The following PDZD8 variants were observed in gnomAD, a reference collection of about 807,000 sequenced individuals.
The protein encoded by PDZD8 is PDZ domain containing 8, also known as PDZ domain-containing protein 8.
A neutral mutation model predicts 85.8 loss-of-function variants in PDZD8; 14 were observed. That is an observed-to-expected ratio of 0.16 (90% confidence interval 0.11 to 0.26). The LOEUF (loss-of-function observed/expected upper bound fraction) is 0.26. Among genes scored for constraint, PDZD8 ranks in the 10% least tolerant of loss-of-function variants. PDZD8 has a pLI of 1.00. For missense variants in PDZD8, 1,197 were observed against 1,424.3 expected (o/e 0.84, Z 2.57); for synonymous variants, 592 against 568.6 (o/e 1.04, Z -0.59).
chr10:117,319,035 T>C, intron 2 of PDZD8, 61 bp from the exon 3 acceptor site: 1 of 1,143,662 alleles, frequency 8.7e-7, no homozygotes, highest in Admixed American at 2.0e-5. Context: ...AAAATTTTTC[T>C]TTCTGATTAT....
At chr10:117,315,000 T>G (rs923869674) in intron 3 of PDZD8, among the ~76,000 whole-genome samples, 1 of 152,156 alleles carries the variant, frequency 6.6e-6, no homozygotes, top group Non-Finnish European at 1.5e-5. Context: ...CAGAACTCCT[T>G]ACATCCTTTT....
chr10:117,338,996 C>A (rs1185652766), intron 2 of PDZD8, among the ~76,000 whole-genome samples: 1 of 151,990 alleles, frequency 6.6e-6, no homozygotes, highest in Non-Finnish European at 1.5e-5. Flanking sequence ...ATGTATTTTA[C>A]TGTACACTGC....
chr10:117,318,736 G>A (rs1485393831), intron 3 of PDZD8, 136 bp downstream of exon 3: 9 of 582,008 alleles, frequency 1.5e-5, no homozygotes, highest in East Asian at 8.9e-5. Context: ...GTATTGTAAC[G>A]AGACAAATAA....
intron 2 of PDZD8, among the ~76,000 whole-genome samples, chr10:117,336,500 T>A (rs1234166416): frequency 1.3e-5 from 2 of 152,148 alleles, no homozygotes; most frequent in Non-Finnish European, 2.9e-5. Context: ...CTAGTCATGG[T>A]GGAACATGCC....
intron 1 of PDZD8, among the ~76,000 whole-genome samples, chr10:117,369,218 G>A (rs1845145095): frequency 6.6e-6 from 1 of 151,866 alleles, no homozygotes; most frequent in African/African-American, 2.4e-5. Flanking sequence ...GAGTGCAGTG[G>A]TATGATCTCG....
intron 1 of PDZD8, among the ~76,000 whole-genome samples, chr10:117,353,296 G>A (rs1428984693): frequency 6.6e-6 from 1 of 152,070 alleles, no homozygotes; most frequent in African/African-American, 2.4e-5. Flanking sequence ...AGTCCTAGAG[G>A]GAGTGGAAAT....
rs972002569 is a variant in PDZD8, at chr10:117,284,606, C to G, written c.2127G>C (p.Arg709Ser). 1.9e-6 allele frequency: 3 copies of G among 1,614,084 alleles called. No homozygotes were observed. The highest frequency in any genetic ancestry group is 8.5e-7 in the Non-Finnish European group (1 of 1,180,044). Reference protein sequence around the residue: ...SCLFDIEACHRYLNIALWCRD... With the variant: ...SCLFDIEACHSYLNIALWCRD... ...TGCACCACAATGCAATGTTTAAGTA[C>G]CTGTGACAGGCTTCTATGTCAAACA... Residue 709 changes from arginine (R) to serine (S), a missense_variant, in exon 5 of 5, where the codon AGG becomes AGC. Physicochemically the swap from Arg to Ser is moderately radical, Grantham distance 110. This residue lies in a region of PDZD8 where 418 missense variants were observed against 571.1 expected (regional missense o/e 0.73). Transcript: ENST00000334464.
intron 2 of PDZD8, among the ~76,000 whole-genome samples, chr10:117,330,955 T>C (rs930277157): frequency 3.3e-5 from 5 of 152,330 alleles, no homozygotes; most frequent in Admixed American, 3.3e-4. Context: ...CTGAATCTTA[T>C]CCATGAAGTT....
At chr10:117,363,988 T>C (rs1488119766) in intron 1 of PDZD8, among the ~76,000 whole-genome samples, 1 of 152,188 alleles carries the variant, frequency 6.6e-6, no homozygotes, top group Non-Finnish European at 1.5e-5. Context: ...AGTTTATCAA[T>C]ATTGACCTTT....
rs547590707 is a variant in PDZD8, at chr10:117,333,609, A to C, written c.995+7371T>G. On this transcript the variant is annotated intron_variant, in intron 2 of 4. Transcript: ENST00000334464. Reference sequence around the variant, plus strand: ...CAATGCTAACATAAACGGGATTCATAGACAAATGCAAACTGGAAATATTTT... The same window carrying C: ...CAATGCTAACATAAACGGGATTCATCGACAAATGCAAACTGGAAATATTTT... Among the ~76,000 whole-genome samples, 29 of 152,370 alleles carry C rather than the reference A, an allele frequency of 1.9e-4. No homozygotes were observed. The South Asian group carries it at 5.8e-3, about 30-fold the overall frequency.
Position 117,374,823 on chromosome 10 carries a change from C to T in PDZD8, c.405G>A (p.Thr135=). 3 of 1,613,448 alleles carry T rather than the reference C, an allele frequency of 1.9e-6. No homozygotes were observed. Among genetic ancestry groups the T allele is most frequent in the South Asian group, 1.1e-5 (1 of 91,082 alleles). The change falls in exon 1 of 5, where the codon ACG becomes ACA. Residue 135 remains threonine, a synonymous_variant. Transcript: ENST00000334464. This position sits in a 1 kb window ranked among gnomAD's most constrained non-coding sequence, Gnocchi z 7.8. ...VEFEELLQTK[T]AGRLLEGLSL... ...TCAGCCCCTCCAGCAGGCGCCCGGC[C>T]GTCTTGGTCTGCAGCAGCTCCTCGA...
intron 1 of PDZD8, among the ~76,000 whole-genome samples, chr10:117,355,646 C>T (rs1203253465): frequency 6.6e-6 from 1 of 152,104 alleles, no homozygotes; most frequent in Non-Finnish European, 1.5e-5. Flanking sequence ...AACAATTACA[C>T]CTACCTCACA....
chr10:117,324,570 C>T lies in PDZD8; in HGVS notation c.996-5596G>A, dbSNP rs553326759. On this transcript the variant is annotated intron_variant, in intron 2 of 4. Coordinates refer to ENST00000334464, the MANE Select transcript of PDZD8 (RefSeq NM_173791.5). ...CAGTTACAGTCCAAAATTGCTTATT[C>T]GTCAAGATTCATTATAAGTACTCTG... Among the ~76,000 whole-genome samples the T allele has an allele frequency of 4.7e-4, 71 of 152,230 alleles. 1 individual carries two copies. The South Asian group carries it at 0.014, about 29-fold the overall frequency.
At chr10:117,318,710 C>T (rs1040573732) in intron 3 of PDZD8, among the ~76,000 whole-genome samples, 162 bp downstream of exon 3, 2 of 152,108 alleles carry the variant, frequency 1.3e-5, no homozygotes, top group Admixed American at 6.6e-5. Flanking sequence ...TTGTGATTTA[C>T]TTTATCACTG....
chr10:117,319,712 A>C (rs977560316), intron 2 of PDZD8, among the ~76,000 whole-genome samples: 2 of 152,138 alleles, frequency 1.3e-5, no homozygotes, highest in African/African-American at 4.8e-5. Context: ...TATGAGGTCC[A>C]GTCACGAGAT....
At chr10:117,370,918 TTGTG>T (rs71475194) in intron 1 of PDZD8, among the ~76,000 whole-genome samples, 31,577 of 146,304 alleles carry the variant, frequency 0.22, 3,751 homozygotes, top group Middle Eastern at 0.33. Context: ...ACAACATAGT[TTGTG>T]TGTGTGTGTG....
chr10:117,283,373 T>TTA lies in PDZD8; in HGVS notation c.3359_3360insTA (p.Asp1121LysfsTer12). On this transcript the variant is annotated frameshift_variant, in exon 5 of 5. Coordinates refer to ENST00000334464, the MANE Select transcript of PDZD8 (RefSeq NM_173791.5). LOFTEE classifies it high-confidence loss of function. The stretch of plus-strand genomic sequence containing the variant: ...TATCAAGGTCTTCTTCTGTATCATC[T>TTA]GTGTACTTGCTTATTTTTTTGGAGT... 6.2e-7 allele frequency: 1 copy of TTA among 1,614,150 alleles called. No homozygotes were observed.
intron 3 of PDZD8, among the ~76,000 whole-genome samples, chr10:117,317,490 A>G (rs112933029): frequency 1.3e-5 from 2 of 152,220 alleles, no homozygotes; most frequent in African/African-American, 4.8e-5. Flanking sequence ...CTTATGACAT[A>G]TACTAAGATC....
intron 2 of PDZD8, among the ~76,000 whole-genome samples, chr10:117,333,928 G>T (rs556548816): frequency 2.0e-5 from 3 of 152,220 alleles, no homozygotes; most frequent in South Asian, 2.1e-4. Flanking sequence ...TGTCAAGAGT[G>T]GTGACACAGT....
Sources: allele counts gnomAD v4.1 joint callset (sites outside exome capture counted in the v4.1 genomes callset), GRCh38; gene constraint gnomAD v4.1.1; regional missense constraint gnomAD v4.1.1; non-coding constraint Gnocchi (gnomAD v3.1); transcripts MANE v1.5; gene names NCBI Gene and HGNC (gene_info 2026-07-23, HGNC 2026-07-21).